WWC1: variants seen among roughly 807,000 people sequenced by gnomAD.
The protein encoded by WWC1 is WW and C2 domain containing 1, also known as protein KIBRA.
Under a neutral mutation model 138.4 loss-of-function variants are expected in WWC1, and 55 were observed. The ratio of observed to expected loss-of-function variants is 0.40; its 90% CI spans 0.32 to 0.50. The LOEUF (loss-of-function observed/expected upper bound fraction) is 0.50. Ranked by LOEUF, WWC1 falls within the 20% of genes least tolerant of loss-of-function variation. The pLI is 0.72. For synonymous variants in WWC1, 524 were observed against 564.9 expected (o/e 0.93, Z 1.03); for missense variants, 1,226 against 1,420.4 (o/e 0.86, Z 2.20).
chr5:168,399,162 G>A (rs984402604), intron 4 of WWC1, among the ~76,000 whole-genome samples: 7 of 152,222 alleles, frequency 4.6e-5, no homozygotes, highest in Non-Finnish European at 8.8e-5. Flanking sequence ...TGGCAAGACA[G>A]CTTGAGAGAG....
At chr5:168,357,651 C>T (rs891247835) in intron 1 of WWC1, among the ~76,000 whole-genome samples, 3 of 152,144 alleles carry the variant, frequency 2.0e-5, no homozygotes, top group African/African-American at 4.8e-5. Context: ...GTATCTGCCT[C>T]TTTCTAGGGC....
chr5:168,325,290 C>T (rs1216880070), intron 1 of WWC1, among the ~76,000 whole-genome samples: 2 of 152,192 alleles, frequency 1.3e-5, no homozygotes, highest in Admixed American at 1.3e-4. Flanking sequence ...GCCAAGCTCA[C>T]GTGTGATGCC....
chr5:168,355,462 C>G (rs1174539308), intron 1 of WWC1, among the ~76,000 whole-genome samples: 1 of 145,542 alleles, frequency 6.9e-6, no homozygotes, highest in East Asian at 2.0e-4. Context: ...CCACTACACT[C>G]CAGCCTGGGT....
chr5:168,430,319 C>A, intron 14 of WWC1, 96 bp downstream of exon 14: 2 of 992,546 alleles, frequency 2.0e-6, no homozygotes, highest in Non-Finnish European at 3.0e-6. Flanking sequence ...CAGTTATGGG[C>A]CTTGTCAAGG....
Position 168,406,305 on chromosome 5 carries a change from A to C in WWC1, c.698A>C (p.Lys233Thr). ...AIKKAITCGEKEKQDLIKSLA... is the reference protein window; with the variant it reads ...AIKKAITCGETEKQDLIKSLA... Reference sequence around the variant, plus strand: ...AAAAAGGCTATTACCTGTGGGGAAAAGGAAAAGCAAGATCTCATTAAGGTA... The same window carrying C: ...AAAAAGGCTATTACCTGTGGGGAAACGGAAAAGCAAGATCTCATTAAGGTA... Residue 233 changes from lysine (K) to threonine (T), a missense_variant, in exon 6 of 23, where the codon AAG becomes ACG. Physicochemically the swap from Lys to Thr is moderately conservative, Grantham distance 78. Transcript: ENST00000265293. 1 of 1,613,934 alleles carries C rather than the reference A, an allele frequency of 6.2e-7. No individual in the cohort carries two copies. Among genetic ancestry groups the C allele is most frequent in the Non-Finnish European group, 8.5e-7 (1 of 1,179,858 alleles).
rs140508945 is a variant in WWC1, at chr5:168,459,441, A to T, written c.2824-1209A>T. Among the ~76,000 whole-genome samples, 357 of 152,196 alleles carry T rather than the reference A, an allele frequency of 2.3e-3. 1 individual carries two copies. The highest frequency in any genetic ancestry group is 3.4e-3 in the Middle Eastern group (1 of 294). ...AGCTGGTGGCCTTGGAACCAAACAG[A>T]CTGGGCCTTGAACTCTGGTTTTGAT... On this transcript the variant is annotated intron_variant, in intron 19 of 22. Coordinates refer to ENST00000265293, the MANE Select transcript of WWC1 (RefSeq NM_015238.3).
intron 21 of WWC1, 80 bp downstream of exon 21, chr5:168,465,042 C>A: frequency 1.3e-6 from 2 of 1,525,704 alleles, no homozygotes; most frequent in Non-Finnish European, 1.8e-6. Context: ...GAAGAGAGGC[C>A]AGAGCTCATG....
chr5:168,431,536 A>G (rs892182569), intron 15 of WWC1, 92 bp downstream of exon 15: 31 of 1,385,576 alleles, frequency 2.2e-5, no homozygotes, highest in Non-Finnish European at 2.8e-5. Flanking sequence ...GGATTGGTCT[A>G]CCCTGAGCTT....
chr5:168,386,042 C>T (rs1778021745), intron 3 of WWC1, among the ~76,000 whole-genome samples: 1 of 151,976 alleles, frequency 6.6e-6, no homozygotes, highest in Admixed American at 6.6e-5. Flanking sequence ...CTGTAATTTT[C>T]CACCTCAGTG....
At chr5:168,305,100 A>G (rs1257201687) in intron 1 of WWC1, among the ~76,000 whole-genome samples, 1 of 151,444 alleles carries the variant, frequency 6.6e-6, no homozygotes, top group African/African-American at 2.4e-5. Context: ...CTGGAATTAC[A>G]GGCATGAGCC....
At chr5:168,454,980 C>A (rs1442752898) in intron 18 of WWC1, among the ~76,000 whole-genome samples, 1 of 152,172 alleles carries the variant, frequency 6.6e-6, no homozygotes, top group Non-Finnish European at 1.5e-5. Context: ...GCTGTGGAAG[C>A]CTTGGGTGTG....
At chr5:168,426,652 G>T (rs377684705) in intron 11 of WWC1, among the ~76,000 whole-genome samples, 4 of 152,226 alleles carry the variant, frequency 2.6e-5, no homozygotes, top group Admixed American at 6.5e-5. Flanking sequence ...GGAGGTCTCC[G>T]CGGGCTCAGC....
chr5:168,399,396 G>A, intron 4 of WWC1, 92 bp from the exon 5 acceptor site: 1 of 1,352,556 alleles, frequency 7.4e-7, no homozygotes. Context: ...AGGCGCAGTG[G>A]GAGGCTCTGG....
chr5:168,440,492 T>TTTG (rs140204253), intron 15 of WWC1, among the ~76,000 whole-genome samples: 19,492 of 151,684 alleles, frequency 0.13, 2,094 homozygotes, highest in African/African-American at 0.29. Flanking sequence ...AAAGCAGGGT[T>TTTG]TTGTTGTTGT....
chr5:168,456,809 C>T (rs1206627576), intron 19 of WWC1, among the ~76,000 whole-genome samples: 2 of 150,636 alleles, frequency 1.3e-5, no homozygotes, highest in East Asian at 1.9e-4. Flanking sequence ...ATTAGTGTTT[C>T]ATTCGTTCTT....
chr5:168,322,229 A>T (rs1772170928), intron 1 of WWC1, among the ~76,000 whole-genome samples: 1 of 152,150 alleles, frequency 6.6e-6, no homozygotes, highest in Admixed American at 6.5e-5. Flanking sequence ...GCAAAAATGT[A>T]AAATATACCA....
intron 1 of WWC1, among the ~76,000 whole-genome samples, chr5:168,306,394 TTAAAAAA>T (rs1770569068): frequency 6.6e-6 from 1 of 152,210 alleles, no homozygotes; most frequent in Non-Finnish European, 1.5e-5. Context: ...AGACTCCATC[TTAAAAAA>T]TAAAAATAAA....
intron 22 of WWC1, among the ~76,000 whole-genome samples, chr5:168,468,230 T>C (rs1429588101): frequency 2.6e-5 from 4 of 152,266 alleles, no homozygotes; most frequent in Non-Finnish European, 5.9e-5. Context: ...CTCCAGCCTT[T>C]CCTCGTAGTG....
intron 2 of WWC1, among the ~76,000 whole-genome samples, chr5:168,380,799 A>G (rs1354934064): frequency 6.6e-6 from 1 of 152,218 alleles, no homozygotes; most frequent in East Asian, 1.9e-4. Context: ...CATACAATAG[A>G]ATATTATTCA....
Sources: gnomAD v4.1 joint callset for allele counts (sites outside exome capture counted in the v4.1 genomes callset) on GRCh38, gnomAD v4.1.1 for gene constraint, MANE v1.5 for transcripts, NCBI Gene and HGNC (gene_info 2026-07-23, HGNC 2026-07-21) for gene names.